Variants in CNDP1 observed in about 807,000 individuals in gnomAD.
CNDP1 encodes the protein beta-Ala-His dipeptidase.
CNDP1 carries 44 observed loss-of-function variants against 58.1 expected under a neutral mutation model. That is an observed-to-expected ratio of 0.76 (90% CI 0.60 to 0.97). The LOEUF (loss-of-function observed/expected upper bound fraction) is 0.97, where lower values mean the gene tolerates loss of function less well. Among genes scored for constraint, CNDP1 ranks in the 50% least tolerant of loss-of-function variants. The pLI, the probability that CNDP1 is intolerant of heterozygous loss-of-function variation, is 0.00. For synonymous variants in CNDP1, 254 were observed against 252.6 expected (o/e 1.01, Z -0.05); for missense variants, 616 against 655.1 (o/e 0.94, Z 0.65).
At chr18:74,571,965 C>T (rs1395207866) in intron 7 of CNDP1, among the ~76,000 whole-genome samples, 1 of 151,994 alleles carries the variant, frequency 6.6e-6, no homozygotes, top group African/African-American at 2.4e-5. Context: ...CCTAGTATTG[C>T]TTTTAGGATG....
Position 74,560,029 on chromosome 18 carries a change from A to G in CNDP1, c.303+557A>G, listed in dbSNP as rs1463753114. Among the ~76,000 whole-genome samples, 16 of 11,884 alleles carry G rather than the reference A, an allele frequency of 1.3e-3. No homozygotes were observed. The East Asian group carries it at 0.025, about 18-fold the overall frequency. 7.8% of individuals were successfully genotyped at this position (11,884 alleles called of 152,430 possible). ...TGCATTCTTTTTTTTTTTTTTTTTGAGACAGAGTCTTGCTCTGTAGCCCAG... is the reference window on the plus strand; with the variant it reads ...TGCATTCTTTTTTTTTTTTTTTTTGGGACAGAGTCTTGCTCTGTAGCCCAG... On this transcript the variant is annotated intron_variant, in intron 3 of 11. Coordinates refer to ENST00000358821, the MANE Select transcript of CNDP1 (RefSeq NM_032649.6).
chr18:74,564,772 T>C (rs894152105), intron 5 of CNDP1, among the ~76,000 whole-genome samples: 11 of 152,214 alleles, frequency 7.2e-5, no homozygotes, highest in African/African-American at 2.7e-4. Context: ...ACACCGAGCA[T>C]TACCTTGAAT....
At chr18:74,552,084 C>T (rs907892948) in intron 1 of CNDP1, among the ~76,000 whole-genome samples, 5 of 152,194 alleles carry the variant, frequency 3.3e-5, no homozygotes, top group African/African-American at 1.2e-4. Context: ...TGGGCTGGAT[C>T]TGGCTTCAGC....
chr18:74,555,294 G>C (rs1981008619), intron 1 of CNDP1, among the ~76,000 whole-genome samples: 1 of 152,142 alleles, frequency 6.6e-6, no homozygotes, highest in African/African-American at 2.4e-5. Flanking sequence ...GGTCTCCTGG[G>C]GATAGCTGGT....
chr18:74,565,866 A>G (rs1244087348), intron 5 of CNDP1, among the ~76,000 whole-genome samples: 1 of 152,232 alleles, frequency 6.6e-6, no homozygotes, highest in Non-Finnish European at 1.5e-5. Flanking sequence ...TGGGGGTTCC[A>G]ACGCCACATT....
intron 9 of CNDP1, among the ~76,000 whole-genome samples, chr18:74,579,333 A>ATCCCCTCCCCC (rs539075425): frequency 5.3e-5 from 1 of 18,802 alleles, no homozygotes; most frequent in Non-Finnish European, 1.0e-4. Context: ...TCCCCTCTCC[A>ATCCCCTCCCCC]TCCCCTCCCC....
intron 1 of CNDP1, among the ~76,000 whole-genome samples, chr18:74,541,977 C>A (rs573305179): frequency 6.6e-6 from 1 of 152,194 alleles, no homozygotes; most frequent in Non-Finnish European, 1.5e-5. Flanking sequence ...AGACAAGGCA[C>A]GCACAGATGG....
At chr18:74,553,902 A>G (rs1260003778) in intron 1 of CNDP1, among the ~76,000 whole-genome samples, 1 of 152,124 alleles carries the variant, frequency 6.6e-6, no homozygotes, top group African/African-American at 2.4e-5. Context: ...TCTGCGTTTC[A>G]TGGCACATCT....
intron 8 of CNDP1, chr18:74,577,519 G>A (rs181035841): frequency 1.6e-3 from 247 of 152,824 alleles, no homozygotes; most frequent in South Asian, 3.3e-3. Flanking sequence ...GGCAAATTTC[G>A]AATTGTTTTG....
chr18:74,551,361 AACACACACACACACACAC>A (rs74178982), intron 1 of CNDP1, among the ~76,000 whole-genome samples: 1 of 147,970 alleles, frequency 6.8e-6, no homozygotes, highest in Admixed American at 6.7e-5. Flanking sequence ...GCACAACTGT[AACACACACACACACACAC>A]ACACACACAC....
chr18:74,555,285 G>A (rs1981008565), intron 1 of CNDP1, among the ~76,000 whole-genome samples: 2 of 152,264 alleles, frequency 1.3e-5, no homozygotes, highest in South Asian at 2.1e-4. Flanking sequence ...AGCCCAGCTG[G>A]TCTCCTGGGG....
intron 9 of CNDP1, 28 bp from the exon 10 acceptor site, chr18:74,580,102 T>C (rs758762681): frequency 6.3e-7 from 1 of 1,596,840 alleles, no homozygotes; most frequent in Non-Finnish European, 8.6e-7. Flanking sequence ...TGACACTTTC[T>C]CTTATCATTG....
intron 1 of CNDP1, among the ~76,000 whole-genome samples, chr18:74,535,193 C>T (rs571895171): frequency 5.3e-5 from 8 of 152,228 alleles, no homozygotes; most frequent in African/African-American, 1.2e-4. Context: ...GTGGGTGTGG[C>T]GGGAAGGCTT....
At position 74,585,772 on chromosome 18, in the gene CNDP1, A is replaced by T. The variant is rs1305287297; in HGVS notation, c.*1210A>T. ...CACTTTCGGAGGCCGAGGTGGGCGG[A>T]TCACCTGAGGTCGGGAGTTCGAGAT... On this transcript the variant is annotated 3_prime_UTR_variant, in exon 12 of 12. Coordinates refer to ENST00000358821, the MANE Select transcript of CNDP1 (RefSeq NM_032649.6). 1 of 152,058 alleles carries T rather than the reference A, an allele frequency of 6.6e-6. No individual in the cohort carries two copies. The allele number at this position is 152,058 out of a possible 1,614,324, so 9.4% of individuals were successfully genotyped here. A position where few individuals can be genotyped will look rare whatever the true frequency, so the allele number is the denominator to read the frequency against.
intron 3 of CNDP1, 87 bp downstream of exon 3, chr18:74,559,559 C>A: frequency 7.7e-7 from 1 of 1,300,852 alleles, no homozygotes; most frequent in Non-Finnish European, 1.0e-6. Context: ...AGAGGCTCAC[C>A]CTGATCCTCA....
intron 1 of CNDP1, among the ~76,000 whole-genome samples, chr18:74,551,141 C>T (rs1470172803): frequency 1.3e-5 from 2 of 152,100 alleles, no homozygotes; most frequent in Non-Finnish European, 2.9e-5. Flanking sequence ...GGCCACATGA[C>T]CTGCCTGTTC....
At chr18:74,541,888 G>C (rs1980633951) in intron 1 of CNDP1, among the ~76,000 whole-genome samples, 1 of 152,218 alleles carries the variant, frequency 6.6e-6, no homozygotes, top group Admixed American at 6.5e-5. Flanking sequence ...CGGCGCCACA[G>C]GACATAAAGT....
Position 74,567,368 on chromosome 18 carries a change from T to G in CNDP1, c.691T>G (p.Trp231Gly). ...CTACATTGTAATTTCAGATAACCTG[T>G]GGATCAGCCAAAGGAAGCCAGCAAT... ...VDYIVISDNL[W>G]ISQRKPAITY... is the part of the protein sequence containing the mutation. Residue 231 changes from tryptophan (W) to glycine (G), a missense_variant, in exon 6 of 12, where the codon TGG (tryptophan) becomes GGG (glycine). Trp to Gly is a radical substitution (Grantham distance 184, BLOSUM62 -2). Transcript: ENST00000358821. 2 of 1,614,102 alleles carry G rather than the reference T, an allele frequency of 1.2e-6. No individual in the cohort carries two copies. The highest frequency in any genetic ancestry group is 2.7e-5 in the African/African-American group (2 of 75,018).
chr18:74,569,246 G>C (rs1312291256), intron 6 of CNDP1, among the ~76,000 whole-genome samples: 1 of 152,116 alleles, frequency 6.6e-6, no homozygotes, highest in Non-Finnish European at 1.5e-5. Context: ...CCATACCGAA[G>C]ATTGCTCTGG....
Sources: allele counts gnomAD v4.1 joint callset (sites outside exome capture counted in the v4.1 genomes callset), GRCh38; gene constraint gnomAD v4.1.1; transcripts MANE v1.5; gene names NCBI Gene and HGNC (gene_info 2026-07-23, HGNC 2026-07-21).